DLG2: variants seen among roughly 807,000 people sequenced by gnomAD.
DLG2 encodes the protein discs large MAGUK scaffold protein 2.
DLG2 carries 45 observed loss-of-function variants against 132.5 expected under a neutral mutation model. The ratio of observed to expected loss-of-function variants is 0.34; its 90% CI spans 0.27 to 0.44. DLG2 has a LOEUF of 0.44. Among genes scored for constraint, DLG2 ranks in the 20% least tolerant of loss-of-function variants. The probability of loss-of-function intolerance (pLI) is 1.00; values close to 1 mark genes in which losing one functional copy is unlikely to be tolerated. For synonymous variants in DLG2, 424 were observed against 419.6 expected (o/e 1.01, Z -0.13); for missense variants, 1,045 against 1,196.9 (o/e 0.87, Z 1.87).
chr11:83,469,712 C>T (rs1468275726), intron 24 of DLG2, among the ~76,000 whole-genome samples: 5 of 152,076 alleles, frequency 3.3e-5, no homozygotes, highest in South Asian at 2.1e-4. Flanking sequence ...CTAGAAGACA[C>T]GGGAGTTGAG....
chr11:84,170,430 A>G (rs1274344460), intron 8 of DLG2, among the ~76,000 whole-genome samples: 1 of 152,212 alleles, frequency 6.6e-6, no homozygotes, highest in African/African-American at 2.4e-5. Context: ...ACTCAGTCTA[A>G]CAGATAGAGA....
chr11:83,555,437 C>T (rs2096495444), intron 19 of DLG2, among the ~76,000 whole-genome samples: 1 of 152,050 alleles, frequency 6.6e-6, no homozygotes, highest in Non-Finnish European at 1.5e-5. Flanking sequence ...TGTTGAGATC[C>T]CAGGTAGTGG....
At chr11:84,747,408 A>C (rs1415489126) in intron 6 of DLG2, among the ~76,000 whole-genome samples, 3 of 152,196 alleles carry the variant, frequency 2.0e-5, no homozygotes, top group Non-Finnish European at 4.4e-5. Context: ...CAAAGGAAAC[A>C]ATTTAGTAAT....
At chr11:83,949,925 C>T (rs2084967837) in intron 14 of DLG2, among the ~76,000 whole-genome samples, 1 of 152,160 alleles carries the variant, frequency 6.6e-6, no homozygotes, top group African/African-American at 2.4e-5. Context: ...TGGGATTAAT[C>T]ACCATAAGTT....
In DLG2 at chr11:83,859,414, G is replaced by A. The variant is rs547629997; in HGVS notation, c.1565+15006C>T. On this transcript the variant is annotated intron_variant, in intron 16 of 27. Transcript: ENST00000376104. ...GAAACGGGGAACTTGTTGGGAACTG[G>A]AGCAAAGGTAACTCCTTGTTATGTT... 3.2e-4 allele frequency among the ~76,000 whole-genome samples: 48 copies of A among 152,318 alleles called. 1 individual carries two copies. The highest frequency in any genetic ancestry group is 2.8e-3 in the Admixed American group (43 of 15,304).
intron 3 of DLG2, among the ~76,000 whole-genome samples, chr11:85,319,443 A>T (rs1345842245): frequency 6.6e-6 from 1 of 151,848 alleles, no homozygotes; most frequent in African/African-American, 2.4e-5. Flanking sequence ...TAATAGCATA[A>T]ATATTTATTC....
At chr11:84,896,561 T>A (rs186260298) in intron 6 of DLG2, among the ~76,000 whole-genome samples, 2 of 152,072 alleles carry the variant, frequency 1.3e-5, no homozygotes, top group Non-Finnish European at 1.5e-5. Flanking sequence ...TGTTGAGTTC[T>A]CACCATATGC....
Position 85,156,001 on chromosome 11 carries a change from C to A in DLG2, c.187-1350G>T, listed in dbSNP as rs547735982. ...AGAACTTCCTCACCAACCTAGCAGT[C>A]GGCCTCAGTTTCTAAGATTCACTCT... is the stretch of plus-strand genomic sequence containing the variant. On this transcript the variant is annotated intron_variant, in intron 4 of 27. Coordinates refer to ENST00000376104, the MANE Select transcript of DLG2 (RefSeq NM_001142699.3). 1.3e-5 allele frequency among the ~76,000 whole-genome samples: 2 copies of A among 152,224 alleles called. 1 individual carries two copies. The highest frequency in any genetic ancestry group is 4.8e-5 in the African/African-American group (2 of 41,536).
chr11:85,596,781 C>CA (rs1474762589), intron 3 of DLG2, among the ~76,000 whole-genome samples: 8 of 152,194 alleles, frequency 5.3e-5, no homozygotes, highest in Non-Finnish European at 8.8e-5. Flanking sequence ...CACAAGTCTA[C>CA]ATGGCTTTTC....
intron 7 of DLG2, among the ~76,000 whole-genome samples, chr11:84,309,217 A>G (rs188980274): frequency 3.7e-4 from 56 of 152,370 alleles, no homozygotes; most frequent in African/African-American, 1.3e-3. Flanking sequence ...GAAGAAAAAC[A>G]TTAAAAAATA....
At chr11:84,416,582 C>T (rs76450041) in intron 7 of DLG2, among the ~76,000 whole-genome samples, 4,838 of 152,234 alleles carry the variant, frequency 0.032, 138 homozygotes, top group South Asian at 0.16. Flanking sequence ...CGATTAAAAA[C>T]ATGTGGTTTG....
chr11:85,207,348 A>G (rs2081964415), intron 4 of DLG2, among the ~76,000 whole-genome samples: 2 of 152,188 alleles, frequency 1.3e-5, no homozygotes. Context: ...GCCAACCTAC[A>G]CATATCATCT....
At chr11:85,605,206 A>T (rs2080443031) in intron 2 of DLG2, among the ~76,000 whole-genome samples, 1 of 152,238 alleles carries the variant, frequency 6.6e-6, no homozygotes, top group Non-Finnish European at 1.5e-5. Flanking sequence ...TGAAACTCAG[A>T]GTGGCTTGTC....
chr11:85,238,756 A>T (rs1228807150), intron 4 of DLG2, among the ~76,000 whole-genome samples: 1 of 152,106 alleles, frequency 6.6e-6, no homozygotes, highest in Non-Finnish European at 1.5e-5. Context: ...ATAAGATAGA[A>T]AAAAGTATTT....
At chr11:85,365,968 G>T (rs1260098999) in intron 3 of DLG2, among the ~76,000 whole-genome samples, 2 of 152,172 alleles carry the variant, frequency 1.3e-5, no homozygotes, top group African/African-American at 4.8e-5. Context: ...AGCATTAGGA[G>T]AAACACCTAA....
rs1187438962 is a variant in DLG2 at position 84,999,970 on chromosome 11, A to G, written c.357+111691T>C. 2.7e-5 allele frequency among the ~76,000 whole-genome samples: 4 copies of G among 150,838 alleles called. No homozygotes were observed. The East Asian group carries it at 7.9e-4, about 30-fold the overall frequency. On this transcript the variant is annotated intron_variant, in intron 6 of 27. Transcript: ENST00000376104. ...TTATTCACATTGGCAAGTTTTTTGT[A>G]AAGAGTCTTTACAAAAGATCTTAAA... is the stretch of plus-strand genomic sequence containing the variant.
Position 84,293,530 on chromosome 11 carries a change from C to T in DLG2, c.520-42239G>A, listed in dbSNP as rs1376456408. ...CTCTACTAAAAATACAAAAATTAGC[C>T]GTGCATAGTGGCAGGCACCTGTAAT... On this transcript the variant is annotated intron_variant, in intron 7 of 27. Coordinates refer to ENST00000376104, the MANE Select transcript of DLG2 (RefSeq NM_001142699.3). Among the ~76,000 whole-genome samples the T allele has an allele frequency of 3.3e-5, 5 of 152,072 alleles. No individual in the cohort carries two copies. The East Asian group carries it at 5.8e-4, about 18-fold the overall frequency.
chr11:83,875,897 A>C (rs1334928142), intron 15 of DLG2, among the ~76,000 whole-genome samples: 1 of 152,182 alleles, frequency 6.6e-6, no homozygotes, highest in African/African-American at 2.4e-5. Flanking sequence ...TTGAGGGTAC[A>C]GAATTTTGAG....
At chr11:84,055,564 C>A (rs1322360733) in intron 11 of DLG2, among the ~76,000 whole-genome samples, 2 of 152,058 alleles carry the variant, frequency 1.3e-5, no homozygotes, top group African/African-American at 4.8e-5. Flanking sequence ...TAGAAGTTAT[C>A]AAGATCTTTT....
Sources: gnomAD v4.1 joint callset for allele counts (sites outside exome capture counted in the v4.1 genomes callset) on GRCh38, gnomAD v4.1.1 for gene constraint, MANE v1.5 for transcripts, NCBI Gene and HGNC (gene_info 2026-07-23, HGNC 2026-07-21) for gene names.